The following ULK4 variants were observed in gnomAD, a reference collection of about 807,000 sequenced individuals.
ULK4 encodes inactive serine/threonine-protein kinase ULK4.
In ULK4, 133 loss-of-function variants were observed where a neutral mutation model predicts 160.6. The ratio of observed to expected loss-of-function variants is 0.83; its 90% CI spans 0.72 to 0.96. The LOEUF (loss-of-function observed/expected upper bound fraction) is 0.96, where lower values mean the gene tolerates loss of function less well. Ranked by LOEUF, ULK4 falls within the 40% of genes least tolerant of loss-of-function variation. ULK4 has a pLI of 0.00. For synonymous variants in ULK4, 534 were observed against 539.8 expected (o/e 0.99, Z 0.15); for missense variants, 1,580 against 1,499.5 (o/e 1.05, Z -0.89).
At chr3:41,856,907 T>TAAAAC (rs140798141) in intron 17 of ULK4, among the ~76,000 whole-genome samples, 10,866 of 151,264 alleles carry the variant, frequency 0.072, 1,243 homozygotes, top group African/African-American at 0.24. Flanking sequence ...AGACCTTGTA[T>TAAAAC]AAAACAAAAC....
At chr3:41,947,848 C>T (rs1024132328) in intron 2 of ULK4, among the ~76,000 whole-genome samples, 3 of 152,126 alleles carry the variant, frequency 2.0e-5, no homozygotes, top group Non-Finnish European at 2.9e-5. Flanking sequence ...AGGATCATTT[C>T]GCCCTCTAAC....
At chr3:41,283,540 C>G (rs971956797) in intron 35 of ULK4, among the ~76,000 whole-genome samples, 2 of 152,088 alleles carry the variant, frequency 1.3e-5, no homozygotes, top group African/African-American at 4.8e-5. Context: ...AGCAAACTAT[C>G]GCAAGGACAA....
At chr3:41,429,522 A>C (rs1275862227) in intron 34 of ULK4, among the ~76,000 whole-genome samples, 1 of 152,222 alleles carries the variant, frequency 6.6e-6, no homozygotes. Flanking sequence ...GTGAGACTGG[A>C]TAAAGAAAAC....
At chr3:41,728,009 A>G (rs1236691706) in intron 22 of ULK4, among the ~76,000 whole-genome samples, 1 of 152,246 alleles carries the variant, frequency 6.6e-6, no homozygotes, top group Non-Finnish European at 1.5e-5. Context: ...CAGAGCCACC[A>G]TTTACTAATA....
chr3:41,772,683 C>A (rs1324660463), intron 21 of ULK4, among the ~76,000 whole-genome samples: 2 of 152,070 alleles, frequency 1.3e-5, no homozygotes, highest in Non-Finnish European at 2.9e-5. Context: ...CTATTCCAAT[C>A]AATAGAAAAA....
At chr3:41,744,592 A>C (rs907333572) in intron 22 of ULK4, among the ~76,000 whole-genome samples, 6 of 151,952 alleles carry the variant, frequency 3.9e-5, no homozygotes, top group Admixed American at 3.9e-4. Flanking sequence ...TGAAAAGAGA[A>C]ACAGATAAAG....
intron 17 of ULK4, among the ~76,000 whole-genome samples, chr3:41,847,423 A>G (rs1235554807): frequency 2.6e-5 from 4 of 152,224 alleles, no homozygotes; most frequent in Admixed American, 2.6e-4. Context: ...TGACTCAGAA[A>G]ATATCAGGCA....
chr3:41,394,283 G>A (rs192095651), intron 35 of ULK4, among the ~76,000 whole-genome samples: 36 of 152,128 alleles, frequency 2.4e-4, no homozygotes, highest in South Asian at 1.0e-3. Context: ...AGAGGAAGAC[G>A]GACTAAATCA....
chr3:41,944,230 G>T (rs1232271208), intron 2 of ULK4, among the ~76,000 whole-genome samples: 1 of 152,218 alleles, frequency 6.6e-6, no homozygotes, highest in African/African-American at 2.4e-5. Flanking sequence ...GGATAGCAGA[G>T]AAGAATGACA....
rs371283291 is a variant in ULK4 at position 41,516,800 on chromosome 3, A to C, written c.3226+49225T>G. On this transcript the variant is annotated intron_variant, in intron 32 of 36. Coordinates refer to ENST00000301831, the MANE Select transcript of ULK4 (RefSeq NM_017886.4). ...CAACAGGGTGACTATAGTCAATAAT[A>C]ATTGTTTATTTTTAAATAAAGTGTG... Among the ~76,000 whole-genome samples the C allele has an allele frequency of 1.1e-3, 172 of 152,268 alleles. 1 individual carries two copies. The highest frequency in any genetic ancestry group is 3.2e-3 in the African/African-American group (135 of 41,574).
chr3:41,275,855 A>C (rs937644833), intron 35 of ULK4, among the ~76,000 whole-genome samples: 4 of 152,226 alleles, frequency 2.6e-5, no homozygotes, highest in Non-Finnish European at 5.9e-5. Context: ...TGCTGCCATC[A>C]GCTCCCAGGC....
rs371560171 is a variant in ULK4, at chr3:41,272,741, CAT to C, written c.3679-23169_3679-23168del. Among the ~76,000 whole-genome samples, 233 of 152,250 alleles carry C rather than the reference CAT, an allele frequency of 1.5e-3. 1 individual carries two copies. The highest frequency in any genetic ancestry group is 4.8e-3 in the African/African-American group (198 of 41,548). On this transcript the variant is annotated intron_variant, in intron 35 of 36. Transcript: ENST00000301831. ...CCCTCTTTCATTAGCTCCAATCACACATGTTAGGACACTTAAAGTTATCCAAC... is the reference window on the plus strand; with the variant it reads ...CCCTCTTTCATTAGCTCCAATCACACGTTAGGACACTTAAAGTTATCCAAC...
chr3:41,305,757 T>A (rs1313464996), intron 35 of ULK4, among the ~76,000 whole-genome samples: 2 of 115,108 alleles, frequency 1.7e-5, no homozygotes, highest in African/African-American at 9.1e-5. Context: ...CCGGCCGCCG[T>A]CCCACCTAGG....
rs1257755205 is a variant in ULK4, at chr3:41,302,428, G to A, written c.3679-52854C>T. Among the ~76,000 whole-genome samples the A allele has an allele frequency of 2.6e-5, 4 of 152,308 alleles. No homozygotes were observed. The East Asian group carries it at 5.8e-4, about 22-fold the overall frequency. On this transcript the variant is annotated intron_variant, in intron 35 of 36. Transcript: ENST00000301831. ...GGAATCAGAGAGGAAAGGGATGCCA[G>A]CAGTCCTGCTTTTAAGTGCCAGGGG...
At chr3:41,674,163 A>G (rs1441765241) in intron 29 of ULK4, among the ~76,000 whole-genome samples, 1 of 152,236 alleles carries the variant, frequency 6.6e-6, no homozygotes, top group Non-Finnish European at 1.5e-5. Context: ...CCCCAATAAT[A>G]AACAATGGTG....
At chr3:41,371,814 A>G (rs529140040) in intron 35 of ULK4, among the ~76,000 whole-genome samples, 56 of 152,228 alleles carry the variant, frequency 3.7e-4, no homozygotes, top group Non-Finnish European at 6.9e-4. Flanking sequence ...TGACAGAAGT[A>G]GGCTTCAGAA....
intron 35 of ULK4, among the ~76,000 whole-genome samples, chr3:41,318,972 A>C (rs1294768141): frequency 1.3e-5 from 2 of 152,228 alleles, no homozygotes; most frequent in African/African-American, 4.8e-5. Flanking sequence ...AATCAGTAAC[A>C]CTGATTATAT....
chr3:41,844,976 T>C (rs1224313313), intron 17 of ULK4, among the ~76,000 whole-genome samples: 1 of 151,754 alleles, frequency 6.6e-6, no homozygotes, highest in Non-Finnish European at 1.5e-5. Context: ...TCTTTTTTTT[T>C]TTTTTTTGAG....
At chr3:41,658,778 G>A (rs2035041851) in intron 30 of ULK4, among the ~76,000 whole-genome samples, 3 of 114,144 alleles carry the variant, frequency 2.6e-5, no homozygotes, top group African/African-American at 1.6e-4. Flanking sequence ...GGCAGCAGTG[G>A]TTCTCTGTGG....
Sources: allele counts gnomAD v4.1 joint callset (sites outside exome capture counted in the v4.1 genomes callset), GRCh38; gene constraint gnomAD v4.1.1; transcripts MANE v1.5; gene names NCBI Gene and HGNC (gene_info 2026-07-23, HGNC 2026-07-21).